Variants in EXOSC9 observed in about 807,000 individuals in gnomAD.
The protein encoded by EXOSC9 is exosome component 9.
In EXOSC9, 38 loss-of-function variants were observed where a neutral mutation model predicts 56.5. That is an observed-to-expected ratio of 0.67 (90% CI 0.52 to 0.88). The LOEUF (loss-of-function observed/expected upper bound fraction) is 0.88. Ranked by LOEUF, EXOSC9 falls within the 40% of genes least tolerant of loss-of-function variation. The pLI, the probability that EXOSC9 is intolerant of heterozygous loss-of-function variation, is 0.00. For missense variants in EXOSC9, 559 were observed against 530.5 expected (o/e 1.05, Z -0.53); for synonymous variants, 170 against 170.8 (o/e 0.99, Z 0.04).
At chr4:121,813,185 T>C in intron 8 of EXOSC9, 49 bp from the exon 9 acceptor site, 1 of 1,548,552 alleles carries the variant, frequency 6.5e-7, no homozygotes, top group South Asian at 1.2e-5. Flanking sequence ...CTATCCAATC[T>C]GTTACCTTCC....
At chr4:121,801,974 A>G in intron 2 of EXOSC9, 53 bp downstream of exon 2, 1 of 1,235,952 alleles carries the variant, frequency 8.1e-7, no homozygotes, top group African/African-American at 1.5e-5. Flanking sequence ...TTGAAAAAAG[A>G]CCTTATTGAC....
At chr4:121,810,123 A>G (rs1213887263) in intron 7 of EXOSC9, 24 bp downstream of exon 7, 11 of 1,603,534 alleles carry the variant, frequency 6.9e-6, no homozygotes, top group Non-Finnish European at 9.4e-6. Context: ...TTAATGTCCC[A>G]TTAATAATAG....
intron 5 of EXOSC9, among the ~76,000 whole-genome samples, chr4:121,807,147 G>A (rs748451023): frequency 2.6e-5 from 4 of 152,056 alleles, no homozygotes; most frequent in Non-Finnish European, 5.9e-5. Flanking sequence ...AAAATTAGCC[G>A]GGCGTGGTGG....
Position 121,816,823 on chromosome 4 carries a change from G to A in EXOSC9, c.1287G>A (p.Val429=). ...KQEKAPSKKP[V]KRRKKKRAAN ...AAAAAGCACCAAGTAAAAAGCCAGT[G>A]AAAAGAAGAAAAAAGAAGAGAGCTG... The change falls in exon 12 of 12, where the codon GTG becomes GTA. Residue 429 remains valine (V), a synonymous_variant. Transcript: ENST00000243498. The A allele has an allele frequency of 6.3e-7, 1 of 1,598,192 alleles. No homozygotes were observed. Among genetic ancestry groups the A allele is most frequent in the Non-Finnish European group, 8.5e-7 (1 of 1,170,926 alleles).
intron 4 of EXOSC9, 44 bp from the exon 5 acceptor site, chr4:121,804,578 T>A (rs972859824): frequency 1.4e-5 from 18 of 1,322,312 alleles, no homozygotes; most frequent in Non-Finnish European, 1.9e-5. Context: ...TAGCCACTGG[T>A]TGTAATCAGT....
intron 7 of EXOSC9, among the ~76,000 whole-genome samples, chr4:121,811,324 A>G (rs1727206731): frequency 6.6e-6 from 1 of 152,212 alleles, no homozygotes; most frequent in Non-Finnish European, 1.5e-5. Context: ...TGGAGCATAT[A>G]TGTGTCTGTG....
At chr4:121,808,981 A>T (rs1160744293) in intron 6 of EXOSC9, among the ~76,000 whole-genome samples, 1 of 146,662 alleles carries the variant, frequency 6.8e-6, no homozygotes, top group Non-Finnish European at 1.5e-5. Context: ...AGCATTTGTT[A>T]CTTTTTAAAT....
At chr4:121,806,677 TGAAAA>T (rs1442735166) in intron 5 of EXOSC9, among the ~76,000 whole-genome samples, 3 of 151,990 alleles carry the variant, frequency 2.0e-5, no homozygotes, top group Admixed American at 6.6e-5. Flanking sequence ...TGTTCAGTAA[TGAAAA>T]GAACTGAACT....
chr4:121,813,386 T>C lies in EXOSC9; in HGVS notation c.974+6T>C. 1 of 1,610,038 alleles carries C rather than the reference T, an allele frequency of 6.2e-7. No individual in the cohort carries two copies. Among genetic ancestry groups the C allele is most frequent in the South Asian group, 1.1e-5 (1 of 90,774 alleles). ...GCAGAACCTCCTTCAGAAGTGTATCTTTATTTGGTGGTTTTTGCAGTAACA... is the reference window on the plus strand; with the variant it reads ...GCAGAACCTCCTTCAGAAGTGTATCCTTATTTGGTGGTTTTTGCAGTAACA... On this transcript the variant is annotated splice_donor_region_variant and intron_variant, in intron 9 of 11. Transcript: ENST00000243498.
intron 1 of EXOSC9, 96 bp from the exon 2 acceptor site, chr4:121,801,731 T>G: frequency 1.8e-6 from 2 of 1,085,100 alleles, no homozygotes; most frequent in South Asian, 2.6e-5. Flanking sequence ...AGGATTCCAC[T>G]TTCCCCCAAG....
At chr4:121,803,796 A>G (rs891187834) in intron 4 of EXOSC9, among the ~76,000 whole-genome samples, 7 of 152,258 alleles carry the variant, frequency 4.6e-5, no homozygotes, top group Non-Finnish European at 8.8e-5. Context: ...GGCCTCCCAA[A>G]GTGCTGGGAT....
At chr4:121,801,615 C>T in intron 1 of EXOSC9, 125 bp downstream of exon 1, 1 of 918,766 alleles carries the variant, frequency 1.1e-6, no homozygotes, top group Non-Finnish European at 1.8e-6. Flanking sequence ...TCACCCCATC[C>T]CTCAGGCTTT....
At chr4:121,802,830 G>T (rs1726909061) in intron 3 of EXOSC9, 37 bp downstream of exon 3, 2 of 1,613,302 alleles carry the variant, frequency 1.2e-6, no homozygotes, top group Admixed American at 3.3e-5. Context: ...TTTAGTCATA[G>T]GAGAACCTAA....
intron 1 of EXOSC9, 125 bp from the exon 2 acceptor site, chr4:121,801,688 TAGTTTCCACTTTCC>T: frequency 2.5e-6 from 2 of 811,524 alleles, no homozygotes; most frequent in Non-Finnish European, 4.2e-6. Context: ...GTCCATGCTG[TAGTTTCCACTTTCC>T]TGTATGGGCG....
intron 10 of EXOSC9, chr4:121,816,097 A>C (rs1724489778): frequency 1.5e-6 from 1 of 654,832 alleles, no homozygotes; most frequent in South Asian, 2.2e-5. Flanking sequence ...CTGGGCCTAC[A>C]AGCACATGCC....
intron 6 of EXOSC9, 92 bp downstream of exon 6, chr4:121,807,714 A>G: frequency 2.5e-6 from 2 of 805,220 alleles, no homozygotes; most frequent in Admixed American, 1.9e-5. Flanking sequence ...TTAAACAAAC[A>G]CTTCCCTTAA....
At position 121,817,000 on chromosome 4, in the gene EXOSC9, AAAT is replaced by A. The variant is rs1724546381; in HGVS notation, c.*150_*152del. 3.7e-6 allele frequency: 3 copies of A among 812,150 alleles called. No homozygotes were observed. The highest frequency in any genetic ancestry group is 3.6e-5 in the Admixed American group (1 of 27,718). 50.3% of individuals were successfully genotyped at this position (812,150 alleles called of 1,614,324 possible). ...AGTTTTTTGTTTTTAATGTGCTTTA[AAAT>A]AATAAACCTTCTGGAGCATTTCTCG... On this transcript the variant is annotated 3_prime_UTR_variant, in exon 12 of 12. Coordinates refer to ENST00000243498, the MANE Select transcript of EXOSC9 (RefSeq NM_005033.3).
At chr4:121,809,928 G>A (rs1418441234) in intron 6 of EXOSC9, 39 bp from the exon 7 acceptor site, 1 of 1,611,946 alleles carries the variant, frequency 6.2e-7, no homozygotes, top group Non-Finnish European at 8.5e-7. Flanking sequence ...TAAGCATTCG[G>A]TCTCAGATTT....
At chr4:121,816,334 T>C in intron 10 of EXOSC9, 35 bp from the exon 11 acceptor site, 1 of 953,250 alleles carries the variant, frequency 1.0e-6, no homozygotes. Flanking sequence ...TTGCTTAACT[T>C]TTTTTTTTTT....
Sources: gnomAD v4.1 joint callset for allele counts (sites outside exome capture counted in the v4.1 genomes callset) on GRCh38, gnomAD v4.1.1 for gene constraint, MANE v1.5 for transcripts, NCBI Gene and HGNC (gene_info 2026-07-23, HGNC 2026-07-21) for gene names.